OTUD7A: variants seen among roughly 807,000 people sequenced by gnomAD.
The protein encoded by OTUD7A is OTU domain-containing protein 7A.
Under a neutral mutation model 65.7 loss-of-function variants are expected in OTUD7A, and 12 were observed. That is an observed-to-expected ratio of 0.18 (90% CI 0.12 to 0.30). OTUD7A has a LOEUF of 0.30. Among genes scored for constraint, OTUD7A ranks in the 10% least tolerant of loss-of-function variants. OTUD7A has a pLI of 1.00. For missense variants in OTUD7A, 1,148 were observed against 1,304.8 expected (o/e 0.88, Z 1.85); for synonymous variants, 641 against 586.3 (o/e 1.09, Z -1.35).
intron 3 of OTUD7A, among the ~76,000 whole-genome samples, chr15:31,622,121 G>C (rs1271189738): frequency 2.0e-5 from 3 of 152,162 alleles, no homozygotes; most frequent in Admixed American, 2.0e-4. Flanking sequence ...TGGAGTTTCT[G>C]CCGAGAGATC....
At chr15:31,713,048 T>C (rs1388363600) in intron 1 of OTUD7A, among the ~76,000 whole-genome samples, 1 of 152,192 alleles carries the variant, frequency 6.6e-6, no homozygotes, top group African/African-American at 2.4e-5. Context: ...TTCTGTTGCA[T>C]GTGGCTTTAT....
rs374663809 is a variant in OTUD7A, at chr15:31,540,570, G to A, written c.551-9762C>T. Reference sequence around the variant, plus strand: ...TTTCAGTGTTCAATTCTTAAAAATGGAGATAATAATAGTCCTGATCTAACA... The same window carrying A: ...TTTCAGTGTTCAATTCTTAAAAATGAAGATAATAATAGTCCTGATCTAACA... On this transcript the variant is annotated intron_variant, in intron 5 of 12. Coordinates refer to ENST00000307050, the MANE Select transcript of OTUD7A (RefSeq NM_001382637.1). Among the ~76,000 whole-genome samples the A allele has an allele frequency of 1.4e-3, 208 of 152,260 alleles. 1 individual carries two copies. Among genetic ancestry groups the A allele is most frequent in the Admixed American group, 5.6e-3 (85 of 15,294 alleles).
At chr15:31,680,412 A>C (rs542723969) in intron 1 of OTUD7A, among the ~76,000 whole-genome samples, 41 of 152,346 alleles carry the variant, frequency 2.7e-4, no homozygotes, top group Admixed American at 1.6e-3. Flanking sequence ...TGACTGAATC[A>C]AGCCTATTAT....
chr15:31,485,839 C>T (rs1230863154), intron 12 of OTUD7A, among the ~76,000 whole-genome samples: 2 of 152,166 alleles, frequency 1.3e-5, no homozygotes, highest in East Asian at 1.9e-4. Flanking sequence ...GTTCAAGAGT[C>T]GGTGACTCTC....
intron 1 of OTUD7A, among the ~76,000 whole-genome samples, chr15:31,742,950 T>C (rs957902326): frequency 7.2e-5 from 11 of 152,050 alleles, no homozygotes; most frequent in African/African-American, 2.7e-4. Flanking sequence ...CTTCAAAATA[T>C]ATAAAGCAAA....
chr15:31,630,399 G>T (rs1454504107), intron 3 of OTUD7A, among the ~76,000 whole-genome samples: 1 of 152,176 alleles, frequency 6.6e-6, no homozygotes, highest in Non-Finnish European at 1.5e-5. Flanking sequence ...TAGTTGAGTG[G>T]TTTTCAGTGA....
intron 1 of OTUD7A, among the ~76,000 whole-genome samples, chr15:31,833,511 T>C (rs1245128859): frequency 1.3e-5 from 2 of 152,240 alleles, no homozygotes; most frequent in Non-Finnish European, 2.9e-5. Flanking sequence ...CGAATGGCAA[T>C]AGCCTTGCAG....
intron 1 of OTUD7A, among the ~76,000 whole-genome samples, chr15:31,802,152 T>TAA (rs1201819128): frequency 4.0e-5 from 6 of 150,946 alleles, no homozygotes; most frequent in Non-Finnish European, 8.8e-5. Flanking sequence ...TATATATATA[T>TAA]ATGTAAAGGG....
intron 1 of OTUD7A, among the ~76,000 whole-genome samples, chr15:31,830,616 T>G (rs904194657): frequency 5.9e-5 from 9 of 152,254 alleles, no homozygotes; most frequent in Non-Finnish European, 1.2e-4. Flanking sequence ...AAGATCTTAA[T>G]TAAAATTGTT....
intron 5 of OTUD7A, among the ~76,000 whole-genome samples, chr15:31,550,417 C>G (rs768578160): frequency 2.6e-5 from 4 of 152,214 alleles, no homozygotes; most frequent in Non-Finnish European, 5.9e-5. Flanking sequence ...AACCTGTACA[C>G]ATGCATGAGA....
At chr15:31,603,975 A>G (rs1890159919) in intron 3 of OTUD7A, among the ~76,000 whole-genome samples, 1 of 152,222 alleles carries the variant, frequency 6.6e-6, no homozygotes, top group African/African-American at 2.4e-5. Flanking sequence ...GAGAAACAGG[A>G]ATACTTTTAC....
intron 10 of OTUD7A, among the ~76,000 whole-genome samples, chr15:31,494,664 G>A (rs2041359467): frequency 6.6e-6 from 1 of 152,242 alleles, no homozygotes; most frequent in Non-Finnish European, 1.5e-5. Context: ...CCCAGAGGGT[G>A]CACTCTGTGC....
At chr15:31,490,160 CCTG>C (rs2041298736) in intron 10 of OTUD7A, among the ~76,000 whole-genome samples, 1 of 152,242 alleles carries the variant, frequency 6.6e-6, no homozygotes, top group African/African-American at 2.4e-5. Flanking sequence ...AACTGTACAC[CCTG>C]ACATTTCCCT....
At position 31,765,759 on chromosome 15, in the gene OTUD7A, C is replaced by A. The variant is rs375230558; in HGVS notation, c.-100+104748G>T. 3.6e-3 allele frequency: 4,752 copies of A among 1,316,114 alleles called. 177 individuals carry two copies. In the South Asian group the frequency reaches 0.056, roughly 16 times the overall value. The allele number at this position is 1,316,114 out of a possible 1,614,324, so 81.5% of individuals were successfully genotyped here. On this transcript the variant is annotated intron_variant, in intron 1 of 12. Coordinates refer to ENST00000307050, the MANE Select transcript of OTUD7A (RefSeq NM_001382637.1). ...TTAATTCAGCTAGTATCTTAGACTA[C>A]AGAACTTTGGTTTTCTTAAAATCAG...
At chr15:31,621,487 T>C (rs917274621) in intron 3 of OTUD7A, among the ~76,000 whole-genome samples, 12 of 152,174 alleles carry the variant, frequency 7.9e-5, no homozygotes, top group Non-Finnish European at 1.5e-4. Flanking sequence ...ATAGTTAGCT[T>C]TTCTTGCTGA....
At position 31,545,281 on chromosome 15, in the gene OTUD7A, T is replaced by C. The variant is rs536562460; in HGVS notation, c.550+13688A>G. ...GGACTTTCATTACATAGCACATCAT[T>C]TATGAAAATCACTTTTAGGTGGATT... On this transcript the variant is annotated intron_variant, in intron 5 of 12. Transcript: ENST00000307050. 7.9e-5 allele frequency among the ~76,000 whole-genome samples: 12 copies of C among 152,222 alleles called. 2 individuals carry two copies. Among genetic ancestry groups the C allele is most frequent in the African/African-American group, 2.6e-4 (11 of 41,568 alleles).
At chr15:31,643,283 C>G (rs906268492) in intron 3 of OTUD7A, among the ~76,000 whole-genome samples, 1 of 152,244 alleles carries the variant, frequency 6.6e-6, no homozygotes, top group African/African-American at 2.4e-5. Flanking sequence ...CTGCACCTGG[C>G]TTTCACTGAT....
rs565896027 is a variant in OTUD7A, at chr15:31,633,245, C to T, written c.151+21851G>A. On this transcript the variant is annotated intron_variant, in intron 3 of 12. Transcript: ENST00000307050. Reference sequence around the variant, plus strand: ...CTGGAAGCTGTAGACCAGAGCTGTTCGTATTTGGCCATCTTGGCTCCACCC... The same window carrying T: ...CTGGAAGCTGTAGACCAGAGCTGTTTGTATTTGGCCATCTTGGCTCCACCC... Among the ~76,000 whole-genome samples the T allele has an allele frequency of 7.9e-5, 12 of 152,254 alleles. No homozygotes were observed. In the South Asian group the frequency reaches 2.3e-3, roughly 29 times the overall value.
At chr15:31,551,683 A>T (rs997509262) in intron 5 of OTUD7A, among the ~76,000 whole-genome samples, 3 of 152,190 alleles carry the variant, frequency 2.0e-5, no homozygotes, top group Non-Finnish European at 4.4e-5. Flanking sequence ...ACAATTCTCT[A>T]TCAGAAAGAT....
Sources: gnomAD v4.1 joint callset for allele counts (sites outside exome capture counted in the v4.1 genomes callset) on GRCh38, gnomAD v4.1.1 for gene constraint, MANE v1.5 for transcripts, NCBI Gene and HGNC (gene_info 2026-07-23, HGNC 2026-07-21) for gene names.